The following FRMD8 variants were observed in gnomAD, a reference collection of about 807,000 sequenced individuals.
FRMD8 encodes FERM domain containing 8.
FRMD8 carries 37 observed loss-of-function variants against 54.2 expected under a neutral mutation model. The ratio of observed to expected loss-of-function variants is 0.68; its 90% CI spans 0.53 to 0.90. The LOEUF is 0.90. Among genes scored for constraint, FRMD8 ranks in the 40% least tolerant of loss-of-function variants. FRMD8 has a pLI of 0.00. For synonymous variants in FRMD8, 246 were observed against 286.9 expected (o/e 0.86, Z 1.44); for missense variants, 585 against 653.7 (o/e 0.89, Z 1.15).
the FRMD8 span, chr11:65,380,170 G>C: frequency 6.2e-7 from 1 of 1,614,186 alleles, no homozygotes; most frequent in Non-Finnish European, 8.5e-7. Flanking sequence ...ACCAAGCCCA[G>C]AGCGCCTGTG....
At position 65,394,337 on chromosome 11, in the gene FRMD8, G is replaced by A. The variant is rs1381425385; in HGVS notation, c.493G>A (p.Val165Met). Residue 165 changes from valine (V) to methionine (M), a missense_variant, in exon 6 of 11, where the codon GTG (valine) becomes ATG (methionine). Transcript: ENST00000317568. ...GCTGGCTGCACGGTACCCGTGCGAC[G>A]TGGAGGACTGCGAGGCTCTGGGCGC... ...NVLAARYPCD[V>M]EDCEALGALV... The A allele has an allele frequency of 8.8e-6, 14 of 1,584,324 alleles. No individual in the cohort carries two copies. Among genetic ancestry groups the A allele is most frequent in the South Asian group, 6.9e-5 (6 of 87,228 alleles).
At chr11:65,372,197 C>T in the FRMD8 span, among the ~76,000 whole-genome samples, 1 of 152,206 alleles carries the variant, frequency 6.6e-6, no homozygotes, top group South Asian at 2.1e-4. Context: ...CAGATGAGAG[C>T]CACCATGCCT....
At chr11:65,391,331 G>C (rs970223798) in intron 3 of FRMD8, among the ~76,000 whole-genome samples, 1 of 152,118 alleles carries the variant, frequency 6.6e-6, no homozygotes, top group African/African-American at 2.4e-5. Context: ...GCTGGTCAGG[G>C]CTGGGCTGTA....
intron 3 of FRMD8, 110 bp downstream of exon 3, chr11:65,389,638 A>G (rs1410236844): frequency 8.6e-6 from 10 of 1,168,268 alleles, no homozygotes; most frequent in Non-Finnish European, 1.2e-5. Flanking sequence ...GCCACTGCCC[A>G]TGGGGAAAGG....
Position 65,396,839 on chromosome 11 carries a change from C to T in FRMD8, c.622C>T (p.Arg208Trp), listed in dbSNP as rs763464459. The change falls in exon 7 of 11, where the codon CGG becomes TGG. Residue 208 changes from arginine (R) to tryptophan (W), a missense_variant. By Grantham distance (101) the Arg-to-Trp change is moderately radical. Coordinates refer to ENST00000317568, the MANE Select transcript of FRMD8 (RefSeq NM_031904.5). ...DSFLPAHLCK[R>W]GQSLFAALRG... ...CTTCCTCCCTGCCCACCTCTGTAAG[C>T]GGGGCCAGAGTCTCTTTGCTGCCCT... 8.3e-6 allele frequency: 13 copies of T among 1,562,746 alleles called. No individual in the cohort carries two copies. Among genetic ancestry groups the T allele is most frequent in the South Asian group, 3.6e-5 (3 of 84,442 alleles).
At chr11:65,384,795 CT>C (rs1369172300), upstream of FRMD8, among the ~76,000 whole-genome samples, 1 of 152,178 alleles carries the variant, frequency 6.6e-6, no homozygotes, top group Admixed American at 6.5e-5. Flanking sequence ...TCACTGTGAG[CT>C]CACACTCCTG....
the FRMD8 span, chr11:65,379,952 C>T: frequency 2.5e-6 from 4 of 1,614,172 alleles, no homozygotes; most frequent in Non-Finnish European, 2.5e-6. Flanking sequence ...GGTGGGAGGA[C>T]AGAGCAGGTA....
chr11:65,370,468 G>A, the FRMD8 span, among the ~76,000 whole-genome samples: 1 of 152,056 alleles, frequency 6.6e-6, no homozygotes, highest in Admixed American at 6.6e-5. Flanking sequence ...TTGGGAGGCC[G>A]AGGCAGGCAG....
At chr11:65,379,112 C>A in the FRMD8 span, 2 of 479,040 alleles carry the variant, frequency 4.2e-6, no homozygotes. Flanking sequence ...GGGCAAGCCC[C>A]GTCAGCTGGA....
chr11:65,370,227 A>G, the FRMD8 span, among the ~76,000 whole-genome samples: 14 of 150,694 alleles, frequency 9.3e-5, no homozygotes, highest in Non-Finnish European at 2.1e-4. Flanking sequence ...TCAAAAAACA[A>G]AAAAGAAGGG....
chr11:65,370,668 C>A, the FRMD8 span, among the ~76,000 whole-genome samples: 3 of 151,860 alleles, frequency 2.0e-5, no homozygotes, highest in Non-Finnish European at 4.4e-5. Flanking sequence ...CCACTGCACT[C>A]CAGCCTGGGC....
chr11:65,406,655 C>A (rs532196317), intron 10 of FRMD8, among the ~76,000 whole-genome samples: 2 of 151,368 alleles, frequency 1.3e-5, no homozygotes, highest in Non-Finnish European at 3.0e-5. Context: ...AAAGGAATAC[C>A]CTGGCCGGGC....
chr11:65,386,086 G>A (rs1001172549), upstream of FRMD8, among the ~76,000 whole-genome samples: 2 of 152,062 alleles, frequency 1.3e-5, no homozygotes, highest in Non-Finnish European at 2.9e-5. Flanking sequence ...GTGAGCCACC[G>A]CGCCCGGCCG....
At chr11:65,381,692 C>G, upstream of FRMD8, 1 of 517,680 alleles carries the variant, frequency 1.9e-6, no homozygotes, top group East Asian at 3.8e-5. Context: ...GTAGCTGGGA[C>G]TACAGGTGTG....
At chr11:65,370,424 A>G in the FRMD8 span, among the ~76,000 whole-genome samples, 37 of 146,424 alleles carry the variant, frequency 2.5e-4, 2 homozygotes, top group Admixed American at 2.5e-3. Flanking sequence ...TACCTGGGCC[A>G]GGCGCGGTGG....
upstream of FRMD8, chr11:65,382,267 C>G: frequency 2.2e-6 from 1 of 444,460 alleles, no homozygotes; most frequent in Non-Finnish European, 4.2e-6. This position sits in a 1 kb window ranked among gnomAD's most constrained non-coding sequence, Gnocchi z 4.4. Context: ...GCCCCATGGT[C>G]GGGCCCCTCC....
intron 7 of FRMD8, among the ~76,000 whole-genome samples, chr11:65,397,675 G>A (rs1439570425): frequency 2.0e-5 from 3 of 152,174 alleles, no homozygotes; most frequent in African/African-American, 7.2e-5. Context: ...AGCTGGGGGC[G>A]GCACTGTGGA....
intron 7 of FRMD8, among the ~76,000 whole-genome samples, chr11:65,398,188 C>A (rs529366730): frequency 6.6e-6 from 1 of 151,922 alleles, no homozygotes; most frequent in Non-Finnish European, 1.5e-5. Context: ...TTTGTAGAGA[C>A]GGGGTTTTGC....
chr11:65,392,674 C>T (rs652501), intron 3 of FRMD8, among the ~76,000 whole-genome samples: 62,863 of 151,946 alleles, frequency 0.41, 15,870 homozygotes, highest in Non-Finnish European at 0.56. Flanking sequence ...CAACCCCTGG[C>T]GAGGTCACTG....
Sources: gnomAD v4.1 joint callset for allele counts (sites outside exome capture counted in the v4.1 genomes callset) on GRCh38, gnomAD v4.1.1 for gene constraint, Gnocchi (gnomAD v3.1) non-coding constraint, MANE v1.5 for transcripts, NCBI Gene and HGNC (gene_info 2026-07-23, HGNC 2026-07-21) for gene names.